The following CASK variants were observed in gnomAD, a reference collection of about 807,000 sequenced individuals.
The protein encoded by CASK is calcium/calmodulin dependent serine protein kinase.
In CASK, 4 loss-of-function variants were observed where a neutral mutation model predicts 82.9. The observed-to-expected ratio is 0.05, with a 90% CI of 0.02 to 0.11. CASK has a LOEUF of 0.11. Ranked by LOEUF, CASK falls within the 10% of genes least tolerant of loss-of-function variation. The pLI, the probability that CASK is intolerant of heterozygous loss-of-function variation, is 1.00. For missense variants in CASK, 358 were observed against 720.9 expected (o/e 0.50, Z 5.76); for synonymous variants, 259 against 253.5 (o/e 1.02, Z -0.20).
chrX:41,709,048 AAAC>A (rs1293585329), intron 5 of CASK, among the ~76,000 whole-genome samples: 2 of 112,052 alleles, frequency 1.8e-5, no homozygotes, highest in Non-Finnish European at 3.8e-5. Flanking sequence ...AAATAATATA[AAAC>A]AACAAGACTT....
At position 41,561,678 on chromosome X, in the gene CASK, G is replaced by A. The variant is rs769194693; in HGVS notation, c.1583-34C>T. ...TTATATAACATTATAAACATGAAAT[G>A]ATATATGCTTTCATAGTAACAAAAT... On this transcript the variant is annotated intron_variant, in intron 16 of 26. Transcript: ENST00000378163. The A allele has an allele frequency of 7.2e-5, 71 of 982,325 alleles. 1 individual carries two copies. The Admixed American group carries it at 1.0e-3, about 14-fold the overall frequency. 81.0% of individuals were successfully genotyped at this position (982,325 alleles called of 1,213,427 possible).
intron 2 of CASK, among the ~76,000 whole-genome samples, chrX:41,800,123 G>A (rs2069962044): frequency 9.0e-6 from 1 of 111,044 alleles, no homozygotes; most frequent in East Asian, 2.8e-4. Flanking sequence ...TTTGGCAGCT[G>A]AGTGGCAGCT....
chrX:41,557,093 G>T lies in CASK; in HGVS notation c.1745C>A (p.Ser582Tyr). 5.0e-6 allele frequency: 6 copies of T among 1,195,059 alleles called. No homozygotes were observed. The highest frequency in any genetic ancestry group is 6.8e-6 in the Non-Finnish European group (6 of 880,518). ...RTQSSSCERD[S>Y]PSTSRQSPAN... ...TGGGGACTGTCTGGAAGTGGAAGGG[G>T]AATCTCTCTGAAATAAGACACAAGG... The change falls in exon 19 of 27, where the codon TCC becomes TAC. Residue 582 changes from serine to tyrosine, a missense_variant. Physicochemically the swap from Ser to Tyr is moderately radical, Grantham distance 144. This residue lies in a region of CASK where 41 missense variants were observed against 39.4 expected (regional missense o/e 1.04). Transcript: ENST00000378163.
intron 5 of CASK, chrX:41,695,972 T>C (rs2067681473): frequency 2.5e-6 from 3 of 1,205,895 alleles, no homozygotes; most frequent in Non-Finnish European, 3.4e-6. Flanking sequence ...GAATAATGTA[T>C]CATATTAACC....
chrX:41,555,490 C>T (rs2065148848), intron 20 of CASK, 110 bp downstream of exon 20: 7 of 596,273 alleles, frequency 1.2e-5, no homozygotes, highest in Non-Finnish European at 1.4e-5. Flanking sequence ...GCTCTCAATG[C>T]TCAAATGTTA....
At chrX:41,722,436 A>G (rs2068183368) in intron 5 of CASK, among the ~76,000 whole-genome samples, 1 of 112,831 alleles carries the variant, frequency 8.9e-6, no homozygotes, top group African/African-American at 3.2e-5. Context: ...AGGTGAGCCA[A>G]TCACCATCCT....
chrX:41,808,583 TA>T (rs2070185984), intron 2 of CASK, among the ~76,000 whole-genome samples: 2 of 112,103 alleles, frequency 1.8e-5, no homozygotes, highest in Non-Finnish European at 3.8e-5. Context: ...TAAGAGCTTC[TA>T]GGGGGGCAGT....
intron 5 of CASK, among the ~76,000 whole-genome samples, chrX:41,730,493 G>A (rs758996836): frequency 8.9e-6 from 1 of 111,827 alleles, no homozygotes; most frequent in African/African-American, 3.2e-5. Flanking sequence ...TTTACAGTGA[G>A]TATCAATTCG....
At chrX:41,547,104 T>C (rs1408890705) in intron 21 of CASK, among the ~76,000 whole-genome samples, 2 of 109,156 alleles carry the variant, frequency 1.8e-5, no homozygotes, top group Non-Finnish European at 3.8e-5. Flanking sequence ...CTAATTTTTT[T>C]TGTATTTTTA....
chrX:41,550,276 T>C (rs996146287), intron 21 of CASK, among the ~76,000 whole-genome samples: 10 of 112,331 alleles, frequency 8.9e-5, no homozygotes, highest in Non-Finnish European at 1.7e-4. Flanking sequence ...TGGAATCATA[T>C]AGCGTGTTCT....
At position 41,520,276 on chromosome X, in the gene CASK, G is replaced by A. The variant is rs2064617586; in HGVS notation, c.*144C>T. 2.1e-5 allele frequency: 9 copies of A among 429,041 alleles called. No homozygotes were observed. The South Asian group carries it at 3.8e-4, about 18-fold the overall frequency. The allele number at this position is 429,041 out of a possible 1,213,427, so 35.4% of individuals were successfully genotyped here. A position where few individuals can be genotyped will look rare whatever the true frequency, so the allele number is the denominator to read the frequency against. ...ATTGTTTTTCTCCTCCTATCTATTC[G>A]GACATGACAATAATTATAAATGTAG... is the stretch of plus-strand genomic sequence containing the variant. On this transcript the variant is annotated 3_prime_UTR_variant, in exon 27 of 27. Coordinates refer to ENST00000378163, the MANE Select transcript of CASK (RefSeq NM_001367721.1).
intron 1 of CASK, among the ~76,000 whole-genome samples, chrX:41,918,554 G>A (rs2072731309): frequency 8.9e-6 from 1 of 112,064 alleles, no homozygotes; most frequent in Non-Finnish European, 1.9e-5. Context: ...TGTTCCAAAC[G>A]TCAGACAATC....
chrX:41,613,069 C>T (rs1485244508), intron 11 of CASK, among the ~76,000 whole-genome samples: 5 of 99,458 alleles, frequency 5.0e-5, no homozygotes, highest in East Asian at 3.4e-4. Context: ...CGCCTCTGCC[C>T]GGCCGCCCCT....
intron 2 of CASK, among the ~76,000 whole-genome samples, chrX:41,817,336 C>T (rs1247066781): frequency 8.9e-6 from 1 of 111,732 alleles, no homozygotes; most frequent in Non-Finnish European, 1.9e-5. Context: ...GACTTCTATT[C>T]AACATTATAC....
At chrX:41,743,507 C>G (rs2068631120) in intron 4 of CASK, 1 of 285,613 alleles carries the variant, frequency 3.5e-6, no homozygotes, top group South Asian at 2.4e-4. Context: ...CATAAACTTT[C>G]ATTTGCTCCT....
At chrX:41,729,364 T>C (rs376212640) in intron 5 of CASK, 5 of 122,809 alleles carry the variant, frequency 4.1e-5, no homozygotes, top group Non-Finnish European at 9.4e-5. Flanking sequence ...ATTCTACTTA[T>C]ATGCTTTACA....
intron 5 of CASK, chrX:41,695,865 G>A: frequency 2.5e-6 from 3 of 1,205,214 alleles, no homozygotes; most frequent in Non-Finnish European, 3.4e-6. Context: ...CGCCCTCTAT[G>A]TATTTCTGGG....
At chrX:41,732,738 T>C (rs771830966) in intron 5 of CASK, among the ~76,000 whole-genome samples, 1 of 109,373 alleles carries the variant, frequency 9.1e-6, no homozygotes, top group Non-Finnish European at 1.9e-5. Context: ...AAAAGAATTT[T>C]TTTTTTTTTT....
intron 2 of CASK, among the ~76,000 whole-genome samples, chrX:41,842,022 A>G (rs1347657360): frequency 9.0e-6 from 1 of 111,518 alleles, no homozygotes; most frequent in Admixed American, 9.5e-5. Context: ...TAGATCTTTG[A>G]TCTACTTTGA....
Sources: allele counts gnomAD v4.1 joint callset (sites outside exome capture counted in the v4.1 genomes callset), GRCh38; gene constraint gnomAD v4.1.1; regional missense constraint gnomAD v4.1.1; transcripts MANE v1.5; gene names NCBI Gene and HGNC (gene_info 2026-07-23, HGNC 2026-07-21).